DNAH14: variants seen among roughly 807,000 people sequenced by gnomAD.
DNAH14 encodes axonemal beta dynein heavy chain 14.
Under a neutral mutation model 520.9 loss-of-function variants are expected in DNAH14, and 478 were observed. That is an observed-to-expected ratio of 0.92 (90% CI 0.85 to 0.99). DNAH14 has a LOEUF of 0.99. Ranked by LOEUF, DNAH14 falls within the 50% of genes least tolerant of loss-of-function variation. The pLI is 0.00. For missense variants in DNAH14, 4,831 were observed against 5,234.5 expected, an observed-to-expected ratio of 0.92 and a Z score of 2.38; for synonymous variants, 1,581 against 1,757.2, an observed-to-expected ratio of 0.90 and a Z score of 2.51.
chr1:225,079,978 A>G (rs946308339), intron 18 of DNAH14, among the ~76,000 whole-genome samples: 1 of 152,012 alleles, frequency 6.6e-6, no homozygotes, highest in Admixed American at 6.6e-5. Flanking sequence ...CGGCCAATAC[A>G]AGTATTCTTC....
intron 41 of DNAH14, among the ~76,000 whole-genome samples, chr1:225,208,351 A>G (rs1573995248): frequency 1.3e-5 from 2 of 152,204 alleles, no homozygotes; most frequent in East Asian, 3.8e-4. Context: ...AGTTAAAATA[A>G]CATAATAAAT....
chr1:225,130,995 G>A (rs919122585), intron 27 of DNAH14, among the ~76,000 whole-genome samples: 1 of 152,050 alleles, frequency 6.6e-6, no homozygotes, highest in Non-Finnish European at 1.5e-5. Context: ...GGTGTCTGTA[G>A]CTTACTTTGA....
chr1:225,047,328 T>C (rs1200442496), intron 15 of DNAH14, among the ~76,000 whole-genome samples: 1 of 152,132 alleles, frequency 6.6e-6, no homozygotes. Context: ...CATAGTTACT[T>C]GTTTGTTATA....
intron 55 of DNAH14, among the ~76,000 whole-genome samples, chr1:225,295,979 T>C (rs2093997384): frequency 6.6e-6 from 1 of 152,204 alleles, no homozygotes; most frequent in Non-Finnish European, 1.5e-5. Flanking sequence ...AATTGATTCC[T>C]TTATTATTAT....
intron 42 of DNAH14, among the ~76,000 whole-genome samples, chr1:225,233,363 G>C (rs540315536): frequency 6.6e-6 from 1 of 152,242 alleles, no homozygotes; most frequent in South Asian, 2.1e-4. Context: ...TCTGCCTCTA[G>C]GTCTTTGAGG....
intron 64 of DNAH14, among the ~76,000 whole-genome samples, chr1:225,326,467 G>C (rs1211807858): frequency 7.3e-6 from 1 of 137,522 alleles, no homozygotes; most frequent in Non-Finnish European, 1.5e-5. Flanking sequence ...AAGGTATGGG[G>C]CCAGGTTAGG....
chr1:225,324,629 A>T lies in DNAH14; in HGVS notation c.9628-108A>T, dbSNP rs956530363. 1.8e-4 allele frequency: 199 copies of T among 1,091,364 alleles called. 2 individuals are homozygous for T. In the East Asian group the frequency reaches 5.0e-3, roughly 27 times the overall value. 67.6% of individuals were successfully genotyped at this position (1,091,364 alleles called of 1,614,324 possible). A position where few individuals can be genotyped will look rare whatever the true frequency, so the allele number is the denominator to read the frequency against. On this transcript the variant is annotated intron_variant, in intron 63 of 85. Transcript: ENST00000682510. ...CCACATATACATATAGTTCTAGGAA[A>T]GTTTAATTGTAACAATTGACTCTGT...
intron 1 of DNAH14, among the ~76,000 whole-genome samples, chr1:224,945,739 G>T (rs71527019): frequency 1.6e-4 from 24 of 152,410 alleles, no homozygotes; most frequent in African/African-American, 5.3e-4. Context: ...GTCTGTTGGA[G>T]TTTGCTGGAG....
chr1:225,264,799 G>A (rs1245620803), intron 47 of DNAH14, among the ~76,000 whole-genome samples: 1 of 152,104 alleles, frequency 6.6e-6, no homozygotes, highest in Non-Finnish European at 1.5e-5. Context: ...TGCCAGAAGA[G>A]GTTTTGGTTT....
Position 225,046,936 on chromosome 1 carries a change from G to A in DNAH14, c.1912+2953G>A, listed in dbSNP as rs140849192. ...TCTTGTGACTACTTCCTTAGTTTCC[G>A]TCACCTCAAGATACTTCAGGCTCAT... On this transcript the variant is annotated intron_variant, in intron 15 of 85. Transcript: ENST00000682510. 2.2e-3 allele frequency among the ~76,000 whole-genome samples: 331 copies of A among 152,036 alleles called. 1 individual carries two copies. Among genetic ancestry groups the A allele is most frequent in the African/African-American group, 7.4e-3 (308 of 41,462 alleles).
intron 38 of DNAH14, among the ~76,000 whole-genome samples, chr1:225,193,775 CA>C (rs1392338924): frequency 1.3e-5 from 2 of 152,042 alleles, no homozygotes; most frequent in East Asian, 3.9e-4. Flanking sequence ...TGTTTGCAGA[CA>C]ATATGATTCT....
At chr1:225,364,738 C>T in intron 75 of DNAH14, 54 bp from the exon 76 acceptor site, 1 of 1,291,604 alleles carries the variant, frequency 7.7e-7, no homozygotes, top group Non-Finnish European at 1.1e-6. Flanking sequence ...ATTCTAAAAA[C>T]ATGTTGGTTT....
chr1:225,163,469 A>G (rs929911904), intron 35 of DNAH14, among the ~76,000 whole-genome samples: 4 of 152,224 alleles, frequency 2.6e-5, no homozygotes, highest in Admixed American at 1.3e-4. Context: ...GTTTTTCCCA[A>G]TTTAGTGTGA....
chr1:225,354,407 C>T, intron 73 of DNAH14: 1 of 621,674 alleles, frequency 1.6e-6, no homozygotes, highest in Non-Finnish European at 2.9e-6. Context: ...TCAATTGTTT[C>T]AGAAACTGGC....
chr1:224,986,362 A>T (rs1462088236), intron 8 of DNAH14, among the ~76,000 whole-genome samples: 1 of 149,876 alleles, frequency 6.7e-6, no homozygotes, highest in Non-Finnish European at 1.5e-5. Flanking sequence ...CAATATCCCT[A>T]AAAAAAAATG....
intron 36 of DNAH14, among the ~76,000 whole-genome samples, chr1:225,179,330 A>G (rs933889377): frequency 2.0e-5 from 3 of 151,926 alleles, no homozygotes; most frequent in African/African-American, 7.3e-5. Flanking sequence ...TTTGTACTTA[A>G]GTGATTTTCT....
At chr1:225,073,495 C>T (rs370023872) in intron 17 of DNAH14, among the ~76,000 whole-genome samples, 38 of 151,966 alleles carry the variant, frequency 2.5e-4, no homozygotes, top group African/African-American at 6.8e-4. Flanking sequence ...TTTTGTAGAG[C>T]GGATGTATTG....
chr1:225,190,294 A>G (rs2085264911), intron 37 of DNAH14, among the ~76,000 whole-genome samples: 1 of 152,042 alleles, frequency 6.6e-6, no homozygotes, highest in Non-Finnish European at 1.5e-5. Flanking sequence ...CTCTCAAAAT[A>G]TCTTATTATA....
intron 69 of DNAH14, among the ~76,000 whole-genome samples, chr1:225,342,902 G>C (rs148278062): frequency 1.3e-5 from 2 of 149,966 alleles, no homozygotes; most frequent in East Asian, 3.9e-4. Flanking sequence ...CTTGGCCGGC[G>C]CTCACAGGTG....
Sources: allele counts gnomAD v4.1 joint callset (sites outside exome capture counted in the v4.1 genomes callset), GRCh38; gene constraint gnomAD v4.1.1; transcripts MANE v1.5; gene names NCBI Gene and HGNC (gene_info 2026-07-23, HGNC 2026-07-21).